Variants in CBX1 observed in about 807,000 individuals in gnomAD.
CBX1 encodes the protein chromobox 1.
CBX1 carries 10 observed loss-of-function variants against 25.1 expected under a neutral mutation model. The ratio of observed to expected loss-of-function variants is 0.40; its 90% CI spans 0.25 to 0.68. The LOEUF is 0.68. Among genes scored for constraint, CBX1 ranks in the 30% least tolerant of loss-of-function variants. CBX1 has a pLI of 0.40. For missense variants in CBX1, 106 were observed against 218.5 expected (o/e 0.49, Z 3.25); for synonymous variants, 63 against 79.4 (o/e 0.79, Z 1.10).
chr17:48,077,430 G>GTTTTTTTTTTTGT (rs1225892452), intron 1 of CBX1, among the ~76,000 whole-genome samples: 31 of 56,424 alleles, frequency 5.5e-4, no homozygotes, highest in Middle Eastern at 8.2e-3. Context: ...GCTAATTTTT[G>GTTTTTTTTTTTGT]TTGTTTTTTT....
At chr17:48,086,268 A>G (rs2063310742) in intron 1 of CBX1, among the ~76,000 whole-genome samples, 1 of 152,198 alleles carries the variant, frequency 6.6e-6, no homozygotes, top group African/African-American at 2.4e-5. Context: ...CAACAATGCT[A>G]CTTGACTGCA....
At chr17:48,094,151 T>C (rs934767662) in intron 1 of CBX1, among the ~76,000 whole-genome samples, 4 of 137,164 alleles carry the variant, frequency 2.9e-5, no homozygotes, top group Non-Finnish European at 6.2e-5. Flanking sequence ...AGTGTGGGCT[T>C]GGTAGGGCGC....
At position 48,081,496 on chromosome 17, in the gene CBX1, T is replaced by G. The variant is rs149266544; in HGVS notation, c.-37-4455A>C. ...TCTTGTCGCCCAGGCTGGAGTGCAATGGAGCACTCTCAGCTCACTGCAACC... is the reference window on the plus strand; with the variant it reads ...TCTTGTCGCCCAGGCTGGAGTGCAAGGGAGCACTCTCAGCTCACTGCAACC... On this transcript the variant is annotated intron_variant, in intron 1 of 4. Transcript: ENST00000225603. Among the ~76,000 whole-genome samples, 457 of 152,326 alleles carry G rather than the reference T, an allele frequency of 3.0e-3. 1 individual carries two copies. The highest frequency in any genetic ancestry group is 0.011 in the African/African-American group (447 of 41,566).
intron 1 of CBX1, among the ~76,000 whole-genome samples, chr17:48,084,451 C>T (rs1201500431): frequency 6.8e-6 from 1 of 147,234 alleles, no homozygotes; most frequent in Non-Finnish European, 1.5e-5. Flanking sequence ...CCTCGTGATC[C>T]ACCCGCCTCA....
chr17:48,071,699 T>G (rs1818762646), intron 4 of CBX1, 120 bp from the exon 5 acceptor site: 2 of 787,858 alleles, frequency 2.5e-6, no homozygotes, highest in Non-Finnish European at 3.8e-6. Flanking sequence ...TAGGGAACAA[T>G]GAAAACGTGG....
intron 1 of CBX1, among the ~76,000 whole-genome samples, chr17:48,077,450 T>G (rs28650809): frequency 7.3e-5 from 8 of 109,016 alleles, no homozygotes; most frequent in Middle Eastern, 4.9e-3. Flanking sequence ...TTTTTGTTTT[T>G]TTTGTTTTTT....
At chr17:48,073,824 C>CAAAAAAAAAAAAA (rs60857566) in intron 4 of CBX1, among the ~76,000 whole-genome samples, 3,252 of 82,262 alleles carry the variant, frequency 0.04, 335 homozygotes, top group African/African-American at 0.068. Context: ...GAGACTGTCT[C>CAAAAAAAAAAAAA]AAAAAAAAAA....
chr17:48,088,946 A>G (rs951589602), intron 1 of CBX1, among the ~76,000 whole-genome samples: 1 of 152,118 alleles, frequency 6.6e-6, no homozygotes, highest in African/African-American at 2.4e-5. Context: ...ACTGCACTCC[A>G]GCCTGGGCGA....
intron 1 of CBX1, among the ~76,000 whole-genome samples, chr17:48,089,649 G>C (rs28699407): frequency 0.94 from 103,562 of 110,238 alleles, 48,443 homozygotes; most frequent in Middle Eastern, 0.98. Context: ...CATGGTGAGA[G>C]CCCATCCCTA....
chr17:48,092,531 A>G (rs554037040), intron 1 of CBX1, among the ~76,000 whole-genome samples: 1 of 150,258 alleles, frequency 6.7e-6, no homozygotes, highest in Non-Finnish European at 1.5e-5. Flanking sequence ...ATCTTGGCTC[A>G]CAACCTCCAC....
intron 3 of CBX1, among the ~76,000 whole-genome samples, chr17:48,075,782 T>C (rs557851734): frequency 6.6e-6 from 1 of 152,292 alleles, no homozygotes; most frequent in East Asian, 1.9e-4. Context: ...CTTATATCTG[T>C]CCCCAGCAAG....
At chr17:48,098,481 A>C (rs2063388287) in intron 1 of CBX1, among the ~76,000 whole-genome samples, 1 of 152,056 alleles carries the variant, frequency 6.6e-6, no homozygotes, top group Admixed American at 6.6e-5. Flanking sequence ...AATGAACAAG[A>C]GGTGCGTCCC....
At chr17:48,089,318 G>C (rs111949803) in intron 1 of CBX1, among the ~76,000 whole-genome samples, 1 of 150,594 alleles carries the variant, frequency 6.6e-6, no homozygotes, top group Non-Finnish European at 1.5e-5. Context: ...AGCCAGGATG[G>C]TCTCTATCTC....
intron 1 of CBX1, among the ~76,000 whole-genome samples, chr17:48,078,757 G>C (rs2037701899): frequency 6.7e-6 from 1 of 149,014 alleles, no homozygotes; most frequent in Admixed American, 6.7e-5. Context: ...CAAAGTGCTG[G>C]GATTACAAGC....
At chr17:48,092,462 CTCTCTCTTT>C (rs916219348) in intron 1 of CBX1, among the ~76,000 whole-genome samples, 1 of 150,108 alleles carries the variant, frequency 6.7e-6, no homozygotes, top group Non-Finnish European at 1.5e-5. Flanking sequence ...ATCTCTCTCT[CTCTCTCTTT>C]TTTTTTTTGA....
In CBX1 at chr17:48,083,294, G is replaced by C. The variant is rs147881241; in HGVS notation, c.-37-6253C>G. On this transcript the variant is annotated intron_variant, in intron 1 of 4. Coordinates refer to ENST00000225603, the MANE Select transcript of CBX1 (RefSeq NM_001127228.2). ...CAAAGTGCTGGGATTACATGTGTAA[G>C]CCATCATGCCTGGTCAATTACCACT... is the stretch of plus-strand genomic sequence containing the variant. Among the ~76,000 whole-genome samples the C allele has an allele frequency of 1.1e-4, 17 of 150,674 alleles. No homozygotes were observed. In the East Asian group the frequency reaches 1.7e-3, roughly 15 times the overall value.
chr17:48,100,743 C>T, intron 1 of CBX1: 1 of 985,574 alleles, frequency 1.0e-6, no homozygotes, highest in African/African-American at 1.7e-5. Context: ...TCTCCTCCTC[C>T]AATCAGCACA....
chr17:48,073,806 G>A (rs923631341), intron 4 of CBX1, among the ~76,000 whole-genome samples: 28 of 108,970 alleles, frequency 2.6e-4, no homozygotes, highest in African/African-American at 8.7e-4. Flanking sequence ...CAGCCTGGGC[G>A]AAAGAGTGAG....
At chr17:48,075,400 A>C (rs1383168261) in intron 3 of CBX1, among the ~76,000 whole-genome samples, 1 of 152,048 alleles carries the variant, frequency 6.6e-6, no homozygotes. Flanking sequence ...TCTCCGTGTT[A>C]GTCAGGATGG....
Sources: gnomAD v4.1 joint callset for allele counts (sites outside exome capture counted in the v4.1 genomes callset) on GRCh38, gnomAD v4.1.1 for gene constraint, MANE v1.5 for transcripts, NCBI Gene and HGNC (gene_info 2026-07-23, HGNC 2026-07-21) for gene names.